Variants in TEC observed in about 807,000 individuals in gnomAD.
The protein encoded by TEC is tyrosine-protein kinase Tec.
TEC carries 72 observed loss-of-function variants against 93.0 expected under a neutral mutation model. The ratio of observed to expected loss-of-function variants is 0.77; its 90% CI spans 0.64 to 0.94. The LOEUF (loss-of-function observed/expected upper bound fraction) is 0.94. TEC is among the 40% of genes least tolerant of loss of function. The pLI, the probability that TEC is intolerant of heterozygous loss-of-function variation, is 0.00. For missense variants in TEC, 630 were observed against 757.9 expected (o/e 0.83, Z 1.98); for synonymous variants, 249 against 247.7 (o/e 1.01, Z -0.05).
intron 1 of TEC, among the ~76,000 whole-genome samples, chr4:48,254,644 A>G (rs747797185): frequency 3.5e-4 from 53 of 152,284 alleles, no homozygotes; most frequent in Non-Finnish European, 7.2e-4. Flanking sequence ...AGATGGTGTC[A>G]GAGACCAAAT....
rs1472685115 is a variant in TEC, at chr4:48,136,773, A to G, written c.*643T>C. ...AGAAGGTGAACTCCTATACTACAGG[A>G]TTAAAAGTTTCAATTAAAAGACAAT... On this transcript the variant is annotated 3_prime_UTR_variant, in exon 18 of 18. Transcript: ENST00000381501. 1 of 152,148 alleles carries G rather than the reference A, an allele frequency of 6.6e-6. No individual in the cohort carries two copies. The highest frequency in any genetic ancestry group is 2.4e-5 in the African/African-American group (1 of 41,440). The allele number at this position is 152,148 out of a possible 1,614,324, so 9.4% of individuals were successfully genotyped here. A position where few individuals can be genotyped will look rare whatever the true frequency, so the allele number is the denominator to read the frequency against.
intron 9 of TEC, among the ~76,000 whole-genome samples, chr4:48,156,447 A>G (rs1418607946): frequency 6.6e-6 from 1 of 152,220 alleles, no homozygotes; most frequent in Non-Finnish European, 1.5e-5. Context: ...AACTGTCCTG[A>G]GGCCACCCAT....
rs756566502 is a variant in TEC, at chr4:48,170,219, T to C, written c.454+29A>G. The stretch of plus-strand genomic sequence containing the variant: ...AATAATACGTTCATTCTAAGCACAA[T>C]ATAATTATGGAATAAAATGAATACT... On this transcript the variant is annotated intron_variant, in intron 5 of 17. Coordinates refer to ENST00000381501, the MANE Select transcript of TEC (RefSeq NM_003215.3). The C allele has an allele frequency of 5.2e-6, 8 of 1,538,888 alleles. No individual in the cohort carries two copies. The East Asian group carries it at 1.8e-4, about 35-fold the overall frequency.
At chr4:48,244,281 G>C (rs78641691) in intron 1 of TEC, among the ~76,000 whole-genome samples, 2,233 of 152,236 alleles carry the variant, frequency 0.015, 59 homozygotes, top group African/African-American at 0.05. Flanking sequence ...CTCGAGACTG[G>C]GCAATTTACA....
At chr4:48,202,247 C>A (rs1722549204) in intron 2 of TEC, among the ~76,000 whole-genome samples, 2 of 152,086 alleles carry the variant, frequency 1.3e-5, no homozygotes, top group African/African-American at 4.8e-5. Context: ...TTTATTTACT[C>A]AAATCAGTGT....
chr4:48,235,948 G>T lies in TEC; in HGVS notation c.-45-7289C>A, dbSNP rs116374399. On this transcript the variant is annotated intron_variant, in intron 1 of 17. Transcript: ENST00000381501. ...TTAATTTAGGCAATACAATTGCAGG[G>T]CCTACACTCTTCACTACACTATACA... is the stretch of plus-strand genomic sequence containing the variant. Among the ~76,000 whole-genome samples, 469 of 152,186 alleles carry T rather than the reference G, an allele frequency of 3.1e-3. 4 individuals carry two copies. Among genetic ancestry groups the T allele is most frequent in the African/African-American group, 0.011 (452 of 41,528 alleles).
At chr4:48,262,201 C>CTTTTCTTTTTTTTTTTTTTT (rs1724513370) in intron 1 of TEC, among the ~76,000 whole-genome samples, 1 of 80,208 alleles carries the variant, frequency 1.2e-5, no homozygotes, top group Non-Finnish European at 2.4e-5. Context: ...CCAAATGTCT[C>CTTTTCTTTTTTTTTTTTTTT]TTTTTTTTTT....
At chr4:48,217,490 C>A (rs1723120651) in intron 2 of TEC, among the ~76,000 whole-genome samples, 1 of 152,118 alleles carries the variant, frequency 6.6e-6, no homozygotes. Flanking sequence ...TAATGATAAC[C>A]ATGACAATGA....
intron 1 of TEC, among the ~76,000 whole-genome samples, chr4:48,248,866 CTTTTT>C (rs34690737): frequency 1.0e-3 from 141 of 136,842 alleles, no homozygotes; most frequent in Admixed American, 1.4e-3. Context: ...TCTCCTCTTT[CTTTTT>C]TTTTTTTTTT....
chr4:48,215,451 G>T (rs968471655), intron 2 of TEC, among the ~76,000 whole-genome samples: 7 of 152,264 alleles, frequency 4.6e-5, no homozygotes, highest in Admixed American at 3.9e-4. Context: ...AGACTGCAGT[G>T]AGCTGGGATT....
chr4:48,241,814 T>C (rs1723930586), intron 1 of TEC, among the ~76,000 whole-genome samples: 1 of 148,998 alleles, frequency 6.7e-6, no homozygotes, highest in South Asian at 2.1e-4. Context: ...CTCAAATGTT[T>C]CCTCTTCTTC....
At chr4:48,243,784 A>G (rs1723980931) in intron 1 of TEC, among the ~76,000 whole-genome samples, 1 of 152,010 alleles carries the variant, frequency 6.6e-6, no homozygotes, top group Admixed American at 6.6e-5. Context: ...AGTTGGACAC[A>G]GGGCGGGGAA....
At chr4:48,158,080 C>A (rs80071532) in intron 8 of TEC, among the ~76,000 whole-genome samples, 1 of 152,194 alleles carries the variant, frequency 6.6e-6, no homozygotes, top group Admixed American at 6.5e-5. Flanking sequence ...CAGCTCAGCT[C>A]CTCTGGACAT....
At chr4:48,184,172 C>T (rs1721708401) in intron 2 of TEC, among the ~76,000 whole-genome samples, 1 of 152,178 alleles carries the variant, frequency 6.6e-6, no homozygotes, top group Non-Finnish European at 1.5e-5. Flanking sequence ...GAATTACTGT[C>T]ACCCCCATTT....
chr4:48,255,338 G>C (rs1724314190), intron 1 of TEC, among the ~76,000 whole-genome samples: 1 of 152,126 alleles, frequency 6.6e-6, no homozygotes. Context: ...AATGCCAGCA[G>C]AAGAGTCCCA....
chr4:48,172,349 C>T (rs1445357717), intron 3 of TEC, among the ~76,000 whole-genome samples: 1 of 152,078 alleles, frequency 6.6e-6, no homozygotes, highest in African/African-American at 2.4e-5. Context: ...GATTGAAAAC[C>T]AAATAGCTCT....
chr4:48,144,172 G>A (rs931765156), intron 14 of TEC, among the ~76,000 whole-genome samples: 25 of 152,020 alleles, frequency 1.6e-4, no homozygotes, highest in Admixed American at 1.4e-3. Context: ...CCAAGATTGC[G>A]CCACTGCACT....
chr4:48,140,304 A>C (rs112475780), intron 15 of TEC, among the ~76,000 whole-genome samples: 54 of 152,312 alleles, frequency 3.5e-4, no homozygotes, highest in African/African-American at 1.3e-3. Context: ...GACGTGTCCC[A>C]GACTTCAAGC....
chr4:48,216,922 A>G (rs1723100376), intron 2 of TEC, among the ~76,000 whole-genome samples: 1 of 152,242 alleles, frequency 6.6e-6, no homozygotes, highest in South Asian at 2.1e-4. Context: ...AAGATCTAGA[A>G]TATGTCTATT....
Sources: gnomAD v4.1 joint callset for allele counts (sites outside exome capture counted in the v4.1 genomes callset) on GRCh38, gnomAD v4.1.1 for gene constraint, MANE v1.5 for transcripts, NCBI Gene and HGNC (gene_info 2026-07-23, HGNC 2026-07-21) for gene names.